The following KLHL13 variants were observed in gnomAD, a reference collection of about 807,000 sequenced individuals.
KLHL13 encodes kelch-like protein 13.
A neutral mutation model predicts 37.1 loss-of-function variants in KLHL13; 10 were observed. That is an observed-to-expected ratio of 0.27 (90% confidence interval 0.17 to 0.46). The LOEUF is 0.46. KLHL13 is among the 20% of genes least tolerant of loss of function. The pLI is 1.00. For missense variants in KLHL13, 360 were observed against 509.3 expected, an observed-to-expected ratio of 0.71 and a Z score of 2.82; for synonymous variants, 163 against 181.2, an observed-to-expected ratio of 0.90 and a Z score of 0.81.
At chrX:118,116,863 A>G (rs865880789), upstream of KLHL13, 1 of 7,029 alleles carries the variant, frequency 1.4e-4, no homozygotes, top group Non-Finnish European at 2.5e-4. Context: ...GGGAGGGGGC[A>G]GTGGGGGGGG....
chrX:117,913,783 C>CTG (rs1931149898), intron 4 of KLHL13, among the ~76,000 whole-genome samples: 1 of 107,510 alleles, frequency 9.3e-6, no homozygotes, highest in Non-Finnish European at 1.9e-5. Context: ...GCGGAGGTTG[C>CTG]TGTGAGCCAA....
chrX:118,070,714 T>C (rs370781101), intron 1 of KLHL13, among the ~76,000 whole-genome samples: 1 of 109,303 alleles, frequency 9.1e-6, no homozygotes, highest in East Asian at 2.8e-4. Context: ...ATTGGTAGAT[T>C]TGTCATTTTC....
chrX:117,950,391 TG>T (rs911380595), intron 1 of KLHL13, among the ~76,000 whole-genome samples: 4 of 111,048 alleles, frequency 3.6e-5, no homozygotes, highest in Non-Finnish European at 7.6e-5. Flanking sequence ...CACTTGAACC[TG>T]GGGGGCGGAG....
At chrX:118,094,171 T>A (rs1013447056) in intron 1 of KLHL13, among the ~76,000 whole-genome samples, 1 of 110,410 alleles carries the variant, frequency 9.1e-6, no homozygotes, top group African/African-American at 3.3e-5. Context: ...CTAACTAGAA[T>A]AACCAATGCA....
intron 4 of KLHL13, among the ~76,000 whole-genome samples, chrX:117,914,794 TA>T (rs1306326875): frequency 3.5e-4 from 39 of 112,797 alleles, no homozygotes; most frequent in African/African-American, 1.3e-3. Flanking sequence ...GCAGTTCCTT[TA>T]TTGAATGCAA....
chrX:118,043,430 TC>T (rs1266484805), intron 1 of KLHL13, among the ~76,000 whole-genome samples: 4 of 111,267 alleles, frequency 3.6e-5, no homozygotes, highest in African/African-American at 1.3e-4. Context: ...CAAAGACACA[TC>T]ACAGAAAGAA....
intron 1 of KLHL13, among the ~76,000 whole-genome samples, chrX:117,986,843 C>G: frequency 8.9e-6 from 1 of 111,824 alleles, no homozygotes; most frequent in Middle Eastern, 4.2e-3. Context: ...GTTTAGCACT[C>G]AATGTTGAAG....
chrX:118,028,158 T>G (rs773066128), intron 1 of KLHL13, among the ~76,000 whole-genome samples: 143 of 111,829 alleles, frequency 1.3e-3, no homozygotes, highest in Non-Finnish European at 2.2e-3. Context: ...CAAATAAATA[T>G]CTCCACTGAT....
intron 1 of KLHL13, among the ~76,000 whole-genome samples, chrX:117,965,179 G>A (rs2053398485): frequency 9.0e-6 from 1 of 111,604 alleles, no homozygotes; most frequent in Non-Finnish European, 1.9e-5. Flanking sequence ...TTCCACAATG[G>A]TTGAACTAGT....
chrX:117,946,733 TCTAA>T (rs1387665860), intron 1 of KLHL13: 2 of 112,453 alleles, frequency 1.8e-5, no homozygotes, highest in Non-Finnish European at 3.8e-5. Context: ...TATTTGCTTT[TCTAA>T]CTGTCTAACT....
intron 1 of KLHL13, among the ~76,000 whole-genome samples, chrX:118,037,657 G>GT (rs921228462): frequency 1.8e-5 from 2 of 110,990 alleles, no homozygotes; most frequent in African/African-American, 6.6e-5. Context: ...TGACGAGTTA[G>GT]TGGGTGCAGT....
At chrX:117,991,264 T>C (rs955893204) in intron 1 of KLHL13, among the ~76,000 whole-genome samples, 1 of 110,528 alleles carries the variant, frequency 9.0e-6, no homozygotes, top group Non-Finnish European at 1.9e-5. Flanking sequence ...TAAAAGCTTC[T>C]AGGAGCATAT....
At chrX:117,964,082 A>G (rs1263115244) in intron 1 of KLHL13, among the ~76,000 whole-genome samples, 1 of 95,015 alleles carries the variant, frequency 1.1e-5, no homozygotes, top group Admixed American at 1.2e-4. Context: ...TGGGAGATAT[A>G]CCTAATGCTA....
rs183756718 is a variant in KLHL13 at position 117,951,602 on chromosome X, T to A, written c.99-6027A>T. Among the ~76,000 whole-genome samples the A allele has an allele frequency of 1.5e-3, 166 of 111,950 alleles. 2 individuals carry two copies. The highest frequency in any genetic ancestry group is 5.2e-3 in the African/African-American group (162 of 30,896). On this transcript the variant is annotated intron_variant, in intron 1 of 6. Coordinates refer to ENST00000262820, the Ensembl canonical transcript of KLHL13. The stretch of plus-strand genomic sequence containing the variant: ...CTCTTTAGTTACAGATGAGATTTTA[T>A]AAAATAGCTGCTATCTTTCCAAGGC...
chrX:118,013,025 A>G (rs2054087709), intron 1 of KLHL13, among the ~76,000 whole-genome samples: 1 of 112,179 alleles, frequency 8.9e-6, no homozygotes, highest in African/African-American at 3.2e-5. Context: ...GAAATGGTTA[A>G]TTCCTTTATT....
chrX:118,011,978 T>C (rs2054075000), intron 1 of KLHL13, among the ~76,000 whole-genome samples: 1 of 112,321 alleles, frequency 8.9e-6, no homozygotes, highest in African/African-American at 3.2e-5. Flanking sequence ...AAATAACAAA[T>C]AGCTAGTTAC....
chrX:118,094,292 G>A (rs1002759631), intron 1 of KLHL13, among the ~76,000 whole-genome samples: 21 of 111,152 alleles, frequency 1.9e-4, no homozygotes, highest in African/African-American at 2.3e-4. Flanking sequence ...GGGTATCAGC[G>A]ATGGAAGACG....
At chrX:118,066,766 TAA>T (rs764250756) in intron 1 of KLHL13, among the ~76,000 whole-genome samples, 40 of 111,521 alleles carry the variant, frequency 3.6e-4, no homozygotes, top group African/African-American at 1.3e-3. Context: ...CCAGAATCAA[TAA>T]AAAAATTACA....
chrX:118,063,663 A>G (rs1169691154), intron 1 of KLHL13, among the ~76,000 whole-genome samples: 1 of 111,965 alleles, frequency 8.9e-6, no homozygotes, highest in African/African-American at 3.2e-5. Flanking sequence ...CTAAAATAGC[A>G]TGATTTTGGT....
Sources: gnomAD v4.1 joint callset for allele counts (sites outside exome capture counted in the v4.1 genomes callset) on GRCh38, gnomAD v4.1.1 for gene constraint, MANE v1.5 for transcripts, NCBI Gene and HGNC (gene_info 2026-07-23, HGNC 2026-07-21) for gene names.